SIGLECL1: variants seen among roughly 807,000 people sequenced by gnomAD.
SIGLECL1 encodes the protein SIGLEC family like 1.
SIGLECL1 carries 16 observed loss-of-function variants against 19.1 expected under a neutral mutation model. That is an observed-to-expected ratio of 0.84 (90% confidence interval 0.57 to 1.27). The LOEUF (loss-of-function observed/expected upper bound fraction) is 1.27. Among genes scored for constraint, SIGLECL1 ranks in the 50% most tolerant of loss-of-function variants. The pLI is 0.00. For synonymous variants in SIGLECL1, 89 were observed against 90.4 expected (o/e 0.98, Z 0.09); for missense variants, 210 against 239.4 (o/e 0.88, Z 0.81).
chr19:51,268,490 C>T, intron 5 of SIGLECL1, 81 bp from the exon 6 acceptor site: 1 of 1,490,114 alleles, frequency 6.7e-7, no homozygotes, highest in East Asian at 2.3e-5. Context: ...AAGGGGGTGT[C>T]TTTTTAAGAT....
intron 2 of SIGLECL1, chr19:51,264,368 T>G: frequency 2.7e-6 from 1 of 375,542 alleles, no homozygotes; most frequent in Non-Finnish European, 4.8e-6. Context: ...TTTCAGACAT[T>G]ACTGGAAGCC....
intron 1 of SIGLECL1, among the ~76,000 whole-genome samples, chr19:51,255,478 A>G (rs1982745217): frequency 6.6e-6 from 1 of 152,194 alleles, no homozygotes; most frequent in Non-Finnish European, 1.5e-5. Context: ...AGCAAAGGAA[A>G]CAATCAACAG....
chr19:51,247,263 G>T (rs1982293655), upstream of SIGLECL1, among the ~76,000 whole-genome samples: 1 of 152,112 alleles, frequency 6.6e-6, no homozygotes, highest in Non-Finnish European at 1.5e-5. Context: ...ACCAAAAAAG[G>T]ACTCCAGATA....
At chr19:51,261,289 T>G (rs995133703) in intron 1 of SIGLECL1, among the ~76,000 whole-genome samples, 1 of 152,106 alleles carries the variant, frequency 6.6e-6, no homozygotes, top group African/African-American at 2.4e-5. Context: ...CTTTGGTTTT[T>G]TCTTTTTTTC....
intron 1 of SIGLECL1, among the ~76,000 whole-genome samples, chr19:51,255,674 C>A (rs974822563): frequency 6.6e-6 from 1 of 152,038 alleles, no homozygotes; most frequent in African/African-American, 2.4e-5. Context: ...AAATGGCCAA[C>A]AAGTATATAA....
intron 1 of SIGLECL1, among the ~76,000 whole-genome samples, chr19:51,254,305 G>C (rs1325095677): frequency 6.6e-6 from 1 of 151,148 alleles, no homozygotes; most frequent in Non-Finnish European, 1.5e-5. Context: ...CACCAGCCAG[G>C]GTGACAGGGT....
chr19:51,250,665 G>C (rs1982426439), upstream of SIGLECL1, among the ~76,000 whole-genome samples: 2 of 152,228 alleles, frequency 1.3e-5, no homozygotes. Flanking sequence ...AGTCCTCAGG[G>C]TTGGAGAGGA....
intron 5 of SIGLECL1, among the ~76,000 whole-genome samples, chr19:51,267,945 T>C (rs1983798568): frequency 6.6e-6 from 1 of 152,108 alleles, no homozygotes; most frequent in Non-Finnish European, 1.5e-5. Flanking sequence ...CCCAGGTTAC[T>C]CCTTCATTCA....
Position 51,266,694 on chromosome 19 carries a change from T to C in SIGLECL1, c.411-679T>C, listed in dbSNP as rs140753606. Among the ~76,000 whole-genome samples, 258 of 152,276 alleles carry C rather than the reference T, an allele frequency of 1.7e-3. 2 individuals carry two copies. Among genetic ancestry groups the C allele is most frequent in the African/African-American group, 5.8e-3 (240 of 41,560 alleles). ...TGGCTAAAAATGAGGTTGAAAGACA[T>C]CCTTGGTGTTGGTTCACAGGGTGTT... On this transcript the variant is annotated intron_variant, in intron 4 of 5. Transcript: ENST00000601727.
upstream of SIGLECL1, among the ~76,000 whole-genome samples, chr19:51,250,664 G>C (rs1230263348): frequency 6.6e-6 from 1 of 152,240 alleles, no homozygotes; most frequent in African/African-American, 2.4e-5. Context: ...GAGTCCTCAG[G>C]GTTGGAGAGG....
chr19:51,263,275 G>T (rs1169344709), intron 1 of SIGLECL1, among the ~76,000 whole-genome samples: 1 of 152,132 alleles, frequency 6.6e-6, no homozygotes, highest in Non-Finnish European at 1.5e-5. Context: ...ATTGTGCCAT[G>T]CTATACAATG....
At position 51,269,059 on chromosome 19, in the gene SIGLECL1, A is replaced by T. The variant is rs531900429; in HGVS notation, c.*462A>T. On this transcript the variant is annotated 3_prime_UTR_variant, in exon 6 of 6. Transcript: ENST00000601727. ...TGGTGGCTGTCTATCTTTGGACAAG[A>T]TCTTTCATTCCCCATCCTTTGAACA... The T allele has an allele frequency of 1.2e-5, 2 of 162,784 alleles. No individual in the cohort carries two copies. Among genetic ancestry groups the T allele is most frequent in the Admixed American group, 1.1e-4 (2 of 17,406 alleles). 10.1% of individuals were successfully genotyped at this position (162,784 alleles called of 1,614,324 possible).
chr19:51,265,485 G>A lies in SIGLECL1; in HGVS notation c.140G>A (p.Gly47Asp). Reference sequence around the variant, plus strand: ...TGGTGGATGGGAGGAGTCCCCGTGGGTGTGGATGGCATGGATGGCAGCCTC... The same window carrying A: ...TGGTGGATGGGAGGAGTCCCCGTGGATGTGGATGGCATGGATGGCAGCCTC... ...VQWWMGGVPV[G>D]VDGMDGSLQV... Residue 47 changes from glycine (G) to aspartate (D), a missense_variant, in exon 3 of 6, where the codon GGT becomes GAT. Transcript: ENST00000601727. The A allele has an allele frequency of 1.9e-6, 3 of 1,614,162 alleles. No homozygotes were observed. The highest frequency in any genetic ancestry group is 1.7e-4 in the Middle Eastern group (1 of 6,040).
chr19:51,267,865 C>A (rs559011693), intron 5 of SIGLECL1, among the ~76,000 whole-genome samples: 1 of 152,232 alleles, frequency 6.6e-6, no homozygotes, highest in Non-Finnish European at 1.5e-5. Flanking sequence ...GAGTGTATGG[C>A]CGGCAGCAGT....
intron 1 of SIGLECL1, among the ~76,000 whole-genome samples, chr19:51,255,423 A>G (rs911584601): frequency 1.3e-5 from 2 of 152,190 alleles, no homozygotes; most frequent in Admixed American, 1.3e-4. Context: ...CAGGAAACAA[A>G]AGCAAAAATT....
At position 51,267,365 on chromosome 19, in the gene SIGLECL1, T is replaced by C. The variant is rs1983755915; in HGVS notation, c.411-8T>C. 2 of 1,609,556 alleles carry C rather than the reference T, an allele frequency of 1.2e-6. No individual in the cohort carries two copies. Among genetic ancestry groups the C allele is most frequent in the East Asian group, 2.2e-5 (1 of 44,874 alleles). On this transcript the variant is annotated splice_region_variant and splice_polypyrimidine_tract_variant and intron_variant, in intron 4 of 5. Coordinates refer to ENST00000601727, the MANE Select transcript of SIGLECL1 (RefSeq NM_001385465.1). ...GAGCCAGAACCAATCCAAGGCTTATTTCCTTAGAGTGAAACATATCAGAAA... is the reference window on the plus strand; with the variant it reads ...GAGCCAGAACCAATCCAAGGCTTATCTCCTTAGAGTGAAACATATCAGAAA...
At chr19:51,260,179 GATAAA>G (rs942202770) in intron 1 of SIGLECL1, among the ~76,000 whole-genome samples, 1 of 152,160 alleles carries the variant, frequency 6.6e-6, no homozygotes, top group African/African-American at 2.4e-5. Context: ...CCCTACAAAT[GATAAA>G]ATAAACAGAG....
intron 1 of SIGLECL1, among the ~76,000 whole-genome samples, chr19:51,261,446 A>G (rs1182147441): frequency 1.3e-5 from 2 of 151,426 alleles, no homozygotes; most frequent in Admixed American, 6.6e-5. Context: ...CCGCCACCAC[A>G]CCCAGCTAAT....
chr19:51,248,592 A>G (rs1982339963), upstream of SIGLECL1, among the ~76,000 whole-genome samples: 1 of 152,234 alleles, frequency 6.6e-6, no homozygotes, highest in African/African-American at 2.4e-5. Flanking sequence ...AAGAAGATAC[A>G]GTCCCTGGCT....
Sources: gnomAD v4.1 joint callset for allele counts (sites outside exome capture counted in the v4.1 genomes callset) on GRCh38, gnomAD v4.1.1 for gene constraint, MANE v1.5 for transcripts, NCBI Gene and HGNC (gene_info 2026-07-23, HGNC 2026-07-21) for gene names.